The following MBTPS1 variants were observed in gnomAD, a reference collection of about 807,000 sequenced individuals.
MBTPS1 encodes membrane bound transcription factor peptidase, site 1.
MBTPS1 carries 94 observed loss-of-function variants against 127.8 expected under a neutral mutation model. The ratio of observed to expected loss-of-function variants is 0.74; its 90% CI spans 0.62 to 0.87. The LOEUF is 0.87. Among genes scored for constraint, MBTPS1 ranks in the 40% least tolerant of loss-of-function variants. MBTPS1 has a pLI of 0.00. For synonymous variants in MBTPS1, 632 were observed against 509.4 expected, an observed-to-expected ratio of 1.24 and a Z score of -3.24; for missense variants, 1,636 against 1,353.2, an observed-to-expected ratio of 1.21 and a Z score of -3.28.
At chr16:84,111,900 CAA>C (rs36019183) in intron 1 of MBTPS1, among the ~76,000 whole-genome samples, 131 of 139,816 alleles carry the variant, frequency 9.4e-4, no homozygotes, top group Non-Finnish European at 1.2e-3. Context: ...TGTCTATGAG[CAA>C]AAAAAAAAAA....
chr16:84,090,999 CAAAAA>C (rs11325729), intron 7 of MBTPS1, 57 bp from the exon 8 acceptor site: 29 of 768,156 alleles, frequency 3.8e-5, no homozygotes, highest in Admixed American at 8.6e-5. Context: ...ATATAACTGT[CAAAAA>C]AAAAAAAAAA....
At chr16:84,105,388 GA>G (rs1415328172) in intron 1 of MBTPS1, among the ~76,000 whole-genome samples, 2 of 152,278 alleles carry the variant, frequency 1.3e-5, no homozygotes, top group Admixed American at 6.5e-5. Flanking sequence ...TGCAGGAAAT[GA>G]AAATGTGAAA....
chr16:84,114,491 C>G (rs1207180521), intron 1 of MBTPS1, among the ~76,000 whole-genome samples: 1 of 152,100 alleles, frequency 6.6e-6, no homozygotes, highest in Non-Finnish European at 1.5e-5. Flanking sequence ...TAGCTGGCCA[C>G]ACATAGGGCA....
chr16:84,108,716 A>G (rs1284346733), intron 1 of MBTPS1, among the ~76,000 whole-genome samples: 2 of 152,194 alleles, frequency 1.3e-5, no homozygotes, highest in East Asian at 3.9e-4. Context: ...TGAGGAAGGT[A>G]TGTGAAGGGA....
intron 13 of MBTPS1, 116 bp downstream of exon 13, chr16:84,070,472 A>G (rs1335325142): frequency 1.8e-5 from 19 of 1,054,886 alleles, no homozygotes; most frequent in Non-Finnish European, 2.5e-5. Context: ...GCCATCGAGG[A>G]TAAGCCTATC....
chr16:84,109,359 A>G (rs1401764274), intron 1 of MBTPS1: 1 of 152,242 alleles, frequency 6.6e-6, no homozygotes, highest in Non-Finnish European at 1.5e-5. Context: ...GGAGTCCACA[A>G]TGACATGAAG....
chr16:84,065,594 T>A (rs2085669571), intron 18 of MBTPS1, 96 bp downstream of exon 18: 1 of 828,254 alleles, frequency 1.2e-6, no homozygotes, highest in Admixed American at 1.9e-5. Context: ...AAAGCTTTTA[T>A]TAAAAAAGAG....
chr16:84,072,554 G>C (rs145735179), intron 12 of MBTPS1, among the ~76,000 whole-genome samples: 2 of 152,202 alleles, frequency 1.3e-5, no homozygotes, highest in Non-Finnish European at 1.5e-5. Context: ...CACTTTGGGA[G>C]GGCAAGGCGG....
chr16:84,063,883 T>C (rs1471045566), intron 18 of MBTPS1, among the ~76,000 whole-genome samples: 1 of 152,218 alleles, frequency 6.6e-6, no homozygotes, highest in East Asian at 1.9e-4. Context: ...TATATACTAA[T>C]ACCCAGGTTT....
At position 84,054,654 on chromosome 16, in the gene MBTPS1, G is replaced by A. The variant is rs778677157; in HGVS notation, c.2963-9C>T. ...GCGGCCAGGCATGATCCCTGTAAGAGGACAGCCGGTTGAACAGGCAGGAAC... is the reference window on the plus strand; with the variant it reads ...GCGGCCAGGCATGATCCCTGTAAGAAGACAGCCGGTTGAACAGGCAGGAAC... On this transcript the variant is annotated splice_polypyrimidine_tract_variant and intron_variant, in intron 22 of 22. Transcript: ENST00000343411. 27 of 1,574,590 alleles carry A rather than the reference G, an allele frequency of 1.7e-5. No individual in the cohort carries two copies. The highest frequency in any genetic ancestry group is 2.2e-5 in the Non-Finnish European group (26 of 1,156,860).
chr16:84,094,420 T>A (rs929700978), intron 4 of MBTPS1, among the ~76,000 whole-genome samples: 1 of 152,188 alleles, frequency 6.6e-6, no homozygotes, highest in Non-Finnish European at 1.5e-5. Flanking sequence ...TGTGCACTTT[T>A]CTATAATAGT....
In MBTPS1 at chr16:84,091,795, C is replaced by G; in HGVS notation, c.900G>C (p.Lys300Asn). 2 of 1,614,170 alleles carry G rather than the reference C, an allele frequency of 1.2e-6. No individual in the cohort carries two copies. Among genetic ancestry groups the G allele is most frequent in the Non-Finnish European group, 1.7e-6 (2 of 1,180,002 alleles). ...CGATGCTGAGGTTTAACACGTCGATCTTCTTTAAAATGGCATAGTTGAAGG... is the reference window on the plus strand; with the variant it reads ...CGATGCTGAGGTTTAACACGTCGATGTTCTTTAAAATGGCATAGTTGAAGG... Reference protein sequence around the residue: ...LDAFNYAILKKIDVLNLSIGG... With the variant: ...LDAFNYAILKNIDVLNLSIGG... The change falls in exon 7 of 23, where the codon AAG (lysine) becomes AAC (asparagine). Residue 300 changes from lysine (K) to asparagine (N), a missense_variant. Coordinates refer to ENST00000343411, the MANE Select transcript of MBTPS1 (RefSeq NM_003791.4).
intron 3 of MBTPS1, among the ~76,000 whole-genome samples, chr16:84,098,708 G>C (rs773839407): frequency 6.6e-6 from 1 of 152,220 alleles, no homozygotes; most frequent in Non-Finnish European, 1.5e-5. Context: ...CTTTCAGCAC[G>C]AGAAGGCGGC....
At position 84,074,738 on chromosome 16, in the gene MBTPS1, C is replaced by G. The variant is rs769694854; in HGVS notation, c.1452G>C (p.Leu484Phe). 1 of 1,612,574 alleles carries G rather than the reference C, an allele frequency of 6.2e-7. No individual in the cohort carries two copies. The highest frequency in any genetic ancestry group is 1.1e-5 in the South Asian group (1 of 90,876). The change falls in exon 12 of 23, where the codon TTG (leucine) becomes TTC (phenylalanine). Residue 484 changes from leucine (L) to phenylalanine (F), a missense_variant. Transcript: ENST00000343411. ...CAGTCAGATCTATGTAGCTGGGGCT[C>G]AAACTGAAATAAAGAATACAGTGTT... is the stretch of plus-strand genomic sequence containing the variant. ...ILNSYKPQASLSPSYIDLTEC... is the reference protein window; with the variant it reads ...ILNSYKPQASFSPSYIDLTEC...
chr16:84,068,026 T>C (rs2085713277), intron 15 of MBTPS1, among the ~76,000 whole-genome samples: 1 of 152,236 alleles, frequency 6.6e-6, no homozygotes, highest in Non-Finnish European at 1.5e-5. Context: ...TGATCTGATT[T>C]CACTTGTGGT....
chr16:84,090,738 A>G, intron 8 of MBTPS1, 137 bp downstream of exon 8: 8 of 665,946 alleles, frequency 1.2e-5, no homozygotes, highest in Admixed American at 2.8e-5. Flanking sequence ...ATTTTTTTAC[A>G]TGAGGAAAAC....
At chr16:84,085,262 G>C (rs1227172774) in intron 9 of MBTPS1, 128 bp from the exon 10 acceptor site, 2 of 951,392 alleles carry the variant, frequency 2.1e-6, no homozygotes, top group African/African-American at 1.6e-5. Context: ...GGAAGGTACT[G>C]GTTTTAGTCT....
At chr16:84,110,345 T>G (rs994194829) in intron 1 of MBTPS1, among the ~76,000 whole-genome samples, 6 of 152,200 alleles carry the variant, frequency 3.9e-5, no homozygotes, top group African/African-American at 1.4e-4. Flanking sequence ...TTCTATGATT[T>G]ACATTAAACA....
chr16:84,057,513 A>T (rs1011008483), intron 21 of MBTPS1: 2 of 152,244 alleles, frequency 1.3e-5, no homozygotes, highest in African/African-American at 4.8e-5. Flanking sequence ...CCTCTCAGGG[A>T]GGACGCTGAC....
Sources: allele counts gnomAD v4.1 joint callset (sites outside exome capture counted in the v4.1 genomes callset), GRCh38; gene constraint gnomAD v4.1.1; transcripts MANE v1.5; gene names NCBI Gene and HGNC (gene_info 2026-07-23, HGNC 2026-07-21).